SMCHD1: variants seen among roughly 807,000 people sequenced by gnomAD.
SMCHD1 encodes structural maintenance of chromosomes flexible hinge domain containing 1.
SMCHD1 carries 78 observed loss-of-function variants against 254.7 expected under a neutral mutation model. The ratio of observed to expected loss-of-function variants is 0.31; its 90% CI spans 0.26 to 0.37. SMCHD1 has a LOEUF of 0.37. Among genes scored for constraint, SMCHD1 ranks in the 10% least tolerant of loss-of-function variants. The pLI, the probability that SMCHD1 is intolerant of heterozygous loss-of-function variation, is 1.00. For missense variants in SMCHD1, 1,840 were observed against 2,408.1 expected (o/e 0.76, Z 4.94); for synonymous variants, 766 against 794.9 (o/e 0.96, Z 0.61).
intron 45 of SMCHD1, 126 bp downstream of exon 45, chr18:2,784,747 A>G: frequency 8.9e-7 from 1 of 1,122,970 alleles, no homozygotes; most frequent in Non-Finnish European, 1.3e-6. Context: ...AATGTAAGTA[A>G]GATGTTTTTG....
chr18:2,712,919 C>A (rs971656237), intron 17 of SMCHD1, among the ~76,000 whole-genome samples: 1 of 152,206 alleles, frequency 6.6e-6, no homozygotes, highest in Non-Finnish European at 1.5e-5. Flanking sequence ...CCAACTTGAT[C>A]TCATCCTCAC....
chr18:2,675,331 C>G (rs1404863132), intron 5 of SMCHD1, among the ~76,000 whole-genome samples: 1 of 138,454 alleles, frequency 7.2e-6, no homozygotes, highest in Non-Finnish European at 1.5e-5. Context: ...GTTGTGCAAT[C>G]TCGGCTCACT....
chr18:2,743,970 A>G (rs775878563), intron 29 of SMCHD1, 42 bp downstream of exon 29: 3 of 1,473,588 alleles, frequency 2.0e-6, no homozygotes, highest in Admixed American at 2.2e-5. Context: ...TTAATATCAT[A>G]TGGCTTATTA....
chr18:2,799,798 A>G (rs1467419278), intron 47 of SMCHD1, among the ~76,000 whole-genome samples: 1 of 151,806 alleles, frequency 6.6e-6, no homozygotes, highest in Non-Finnish European at 1.5e-5. Flanking sequence ...TCTTAATCAC[A>G]TCTTCTTCCT....
intron 34 of SMCHD1, among the ~76,000 whole-genome samples, chr18:2,755,974 A>G (rs2075671135): frequency 6.6e-6 from 1 of 152,162 alleles, no homozygotes; most frequent in African/African-American, 2.4e-5. Context: ...TCTCAAAGGG[A>G]ACATTTCAGC....
At chr18:2,697,686 T>C (rs1245051665) in intron 9 of SMCHD1, 145 bp from the exon 10 acceptor site, 8 of 614,760 alleles carry the variant, frequency 1.3e-5, no homozygotes, top group African/African-American at 5.5e-5. Flanking sequence ...GTTTAACTCA[T>C]ATGTAAATAT....
rs2073032921 is a variant in SMCHD1, at chr18:2,655,776, G to A, written c.-300G>A. On this transcript the variant is annotated 5_prime_UTR_variant, in exon 1 of 48. Transcript: ENST00000320876. ...CGGGTCGCACCGTGAGGCTCGCGTGGGCGGCGATAGGCGCTGGGCCCGGGC... is the reference window on the plus strand; with the variant it reads ...CGGGTCGCACCGTGAGGCTCGCGTGAGCGGCGATAGGCGCTGGGCCCGGGC... 1 of 259,486 alleles carries A rather than the reference G, an allele frequency of 3.9e-6. No individual in the cohort carries two copies. The highest frequency in any genetic ancestry group is 2.2e-5 in the African/African-American group (1 of 44,516). The allele number at this position is 259,486 out of a possible 1,614,324, so 16.1% of individuals were successfully genotyped here.
At chr18:2,682,600 G>A (rs1284028429) in intron 5 of SMCHD1, among the ~76,000 whole-genome samples, 1 of 152,210 alleles carries the variant, frequency 6.6e-6, no homozygotes, top group African/African-American at 2.4e-5. Flanking sequence ...GGGATTATGG[G>A]CGTGAGCCAC....
chr18:2,775,234 A>ATGTT (rs1319940560), intron 41 of SMCHD1, among the ~76,000 whole-genome samples: 4 of 151,838 alleles, frequency 2.6e-5, no homozygotes, highest in African/African-American at 7.3e-5. Flanking sequence ...CTTATTTGTG[A>ATGTT]TGTTTAGATT....
At position 2,775,401 on chromosome 18, in the gene SMCHD1, T is replaced by G. The variant is rs1238743579; in HGVS notation, c.5176-333T>G. Among the ~76,000 whole-genome samples, 4 of 152,230 alleles carry G rather than the reference T, an allele frequency of 2.6e-5. No individual in the cohort carries two copies. The East Asian group carries it at 7.7e-4, about 29-fold the overall frequency. ...CCAATAAGACAGATCCCATTTATAGTGTTAAAATGTGAAAAAAGTATATAT... is the reference window on the plus strand; with the variant it reads ...CCAATAAGACAGATCCCATTTATAGGGTTAAAATGTGAAAAAAGTATATAT... On this transcript the variant is annotated intron_variant, in intron 41 of 47. Transcript: ENST00000320876.
At chr18:2,728,343 T>A in intron 22 of SMCHD1, 114 bp from the exon 23 acceptor site, 2 of 1,085,442 alleles carry the variant, frequency 1.8e-6, no homozygotes, top group East Asian at 2.6e-5. Context: ...TTTTTCTTTC[T>A]TGGCAATATT....
intron 1 of SMCHD1, among the ~76,000 whole-genome samples, chr18:2,662,393 C>T (rs1004812638): frequency 6.6e-6 from 1 of 151,764 alleles, no homozygotes; most frequent in Non-Finnish European, 1.5e-5. Flanking sequence ...CGCCTCTAAT[C>T]CCAGCACTTT....
intron 17 of SMCHD1, among the ~76,000 whole-genome samples, chr18:2,713,937 G>C (rs1260699728): frequency 6.6e-6 from 1 of 152,190 alleles, no homozygotes; most frequent in Admixed American, 6.5e-5. Context: ...TGAGAAGAAT[G>C]TATATTCCGC....
intron 17 of SMCHD1, 89 bp downstream of exon 17, chr18:2,708,009 G>A: frequency 2.6e-6 from 2 of 766,666 alleles, no homozygotes; most frequent in East Asian, 3.0e-5. Context: ...TGATGACCTA[G>A]CAATCTGATA....
At chr18:2,707,350 A>G in intron 15 of SMCHD1, 1 of 330,500 alleles carries the variant, frequency 3.0e-6, no homozygotes, top group Non-Finnish European at 5.4e-6. Flanking sequence ...TAATTCCAAA[A>G]GGTTTTTTTT....
chr18:2,662,645 A>G (rs2073319325), intron 1 of SMCHD1, among the ~76,000 whole-genome samples: 3 of 149,976 alleles, frequency 2.0e-5, no homozygotes, highest in Admixed American at 2.0e-4. Flanking sequence ...ACTCCATCTC[A>G]ACAACAATAA....
intron 17 of SMCHD1, among the ~76,000 whole-genome samples, chr18:2,712,068 C>T (rs1294527119): frequency 6.6e-6 from 1 of 152,264 alleles, no homozygotes; most frequent in East Asian, 1.9e-4. Flanking sequence ...AAATAAACAT[C>T]CTTTTCTTAT....
intron 1 of SMCHD1, among the ~76,000 whole-genome samples, chr18:2,662,465 T>G (rs1467435643): frequency 6.6e-6 from 1 of 151,168 alleles, no homozygotes; most frequent in Non-Finnish European, 1.5e-5. Flanking sequence ...GCCAACGTGG[T>G]GAAACTCTGT....
chr18:2,692,133 A>G (rs1598323275), intron 7 of SMCHD1, among the ~76,000 whole-genome samples: 1 of 152,378 alleles, frequency 6.6e-6, no homozygotes, highest in Non-Finnish European at 1.5e-5. Context: ...AAGAGAGTAC[A>G]GTAAAAGGTG....
Sources: allele counts gnomAD v4.1 joint callset (sites outside exome capture counted in the v4.1 genomes callset), GRCh38; gene constraint gnomAD v4.1.1; transcripts MANE v1.5; gene names NCBI Gene and HGNC (gene_info 2026-07-23, HGNC 2026-07-21).